Variants in RERG observed in about 807,000 individuals in gnomAD.
RERG encodes ras-related and estrogen-regulated growth inhibitor.
RERG carries 25 observed loss-of-function variants against 23.2 expected under a neutral mutation model. The ratio of observed to expected loss-of-function variants is 1.08; its 90% CI spans 0.79 to 1.50. The LOEUF (loss-of-function observed/expected upper bound fraction) is 1.50, where lower values mean the gene tolerates loss of function less well. Among genes scored for constraint, RERG ranks in the 40% most tolerant of loss-of-function variants. The pLI, the probability that RERG is intolerant of heterozygous loss-of-function variation, is 0.00. For missense variants in RERG, 253 were observed against 250.1 expected, an observed-to-expected ratio of 1.01 and a Z score of -0.08; for synonymous variants, 81 against 89.1, an observed-to-expected ratio of 0.91 and a Z score of 0.51.
intron 2 of RERG, among the ~76,000 whole-genome samples, chr12:15,212,938 CA>C (rs1312222876): frequency 6.6e-6 from 1 of 152,028 alleles, no homozygotes; most frequent in African/African-American, 2.4e-5. Context: ...AGAAAAAGAA[CA>C]AAAAATAGGA....
rs1352413875 is a variant in RERG, at chr12:15,107,973, T to A, written c.*1137A>T. 1 of 152,600 alleles carries A rather than the reference T, an allele frequency of 6.6e-6. No homozygotes were observed. Among genetic ancestry groups the A allele is most frequent in the African/African-American group, 2.4e-5 (1 of 41,448 alleles). 9.5% of individuals were successfully genotyped at this position (152,600 alleles called of 1,614,324 possible). On this transcript the variant is annotated 3_prime_UTR_variant, in exon 5 of 5. Coordinates refer to ENST00000256953, the MANE Select transcript of RERG (RefSeq NM_032918.3). The stretch of plus-strand genomic sequence containing the variant: ...TCTACTAAAATAAAGTACCCAAATC[T>A]TGATATATATAGGGGCATAATGGGG...
At chr12:15,215,309 G>A (rs778806851) in intron 2 of RERG, among the ~76,000 whole-genome samples, 2 of 152,150 alleles carry the variant, frequency 1.3e-5, no homozygotes, top group Non-Finnish European at 1.5e-5. Flanking sequence ...GAGTAAGGAC[G>A]CAAGAGGATG....
Position 15,221,297 on chromosome 12 carries a change from G to C in RERG, c.-217C>G, listed in dbSNP as rs771142770. 1.2e-4 allele frequency: 18 copies of C among 152,282 alleles called. No individual in the cohort carries two copies. The highest frequency in any genetic ancestry group is 2.2e-4 in the Non-Finnish European group (15 of 68,068). The allele number at this position is 152,282 out of a possible 1,614,324, so 9.4% of individuals were successfully genotyped here. ...CCCACACTGCGCAGCCCAGGCTTCA[G>C]GTTGCGTTTGCGAGTTGCTGGGCTG... On this transcript the variant is annotated 5_prime_UTR_variant, in exon 1 of 5. Coordinates refer to ENST00000256953, the MANE Select transcript of RERG (RefSeq NM_032918.3).
intron 2 of RERG, among the ~76,000 whole-genome samples, chr12:15,210,538 AG>A (rs1193919989): frequency 6.6e-6 from 1 of 152,188 alleles, no homozygotes; most frequent in Non-Finnish European, 1.5e-5. Flanking sequence ...CAAAGTACTT[AG>A]CCACCTACCA....
chr12:15,167,047 C>A (rs577823365), intron 2 of RERG, among the ~76,000 whole-genome samples: 3 of 152,062 alleles, frequency 2.0e-5, no homozygotes, highest in Non-Finnish European at 4.4e-5. Context: ...CAAGGCAGGT[C>A]TTATTAAGCC....
At position 15,214,035 on chromosome 12, in the gene RERG, T is replaced by C. The variant is rs1032478575; in HGVS notation, c.61+3394A>G. On this transcript the variant is annotated intron_variant, in intron 2 of 4. Transcript: ENST00000256953. ...GTGTGTGTGTGTGTGTGTGTGTGTGTGTGCGCGTGTGTGGAGTTTTTACCT... is the reference window on the plus strand; with the variant it reads ...GTGTGTGTGTGTGTGTGTGTGTGTGCGTGCGCGTGTGTGGAGTTTTTACCT... Among the ~76,000 whole-genome samples, 19 of 91,810 alleles carry C rather than the reference T, an allele frequency of 2.1e-4. 1 individual carries two copies. Among genetic ancestry groups the C allele is most frequent in the African/African-American group, 1.0e-3 (18 of 17,582 alleles). 60.2% of individuals were successfully genotyped at this position (91,810 alleles called of 152,430 possible).
In RERG at chr12:15,221,372, G is replaced by A. The variant is rs1865510910; in HGVS notation, c.-292C>T. 6.6e-6 allele frequency: 1 copy of A among 152,308 alleles called. No individual in the cohort carries two copies. The highest frequency in any genetic ancestry group is 1.5e-5 in the Non-Finnish European group (1 of 68,100). The allele number at this position is 152,308 out of a possible 1,614,324, so 9.4% of individuals were successfully genotyped here. A position where few individuals can be genotyped will look rare whatever the true frequency, so the allele number is the denominator to read the frequency against. On this transcript the variant is annotated 5_prime_UTR_variant, in exon 1 of 5. Coordinates refer to ENST00000256953, the MANE Select transcript of RERG (RefSeq NM_032918.3). Reference sequence around the variant, plus strand: ...GAAGCAAGTGCCAGTGGCCCGGCGGGGGTCTCCTCACTCGCGCTCGCTCCG... The same window carrying A: ...GAAGCAAGTGCCAGTGGCCCGGCGGAGGTCTCCTCACTCGCGCTCGCTCCG...
At chr12:15,140,800 T>A (rs932141413) in intron 2 of RERG, among the ~76,000 whole-genome samples, 17 of 152,144 alleles carry the variant, frequency 1.1e-4, no homozygotes, top group Non-Finnish European at 2.9e-5. Flanking sequence ...AAGAAAGATC[T>A]TCCCCCCATG....
chr12:15,137,330 C>T (rs1448526819), intron 2 of RERG, among the ~76,000 whole-genome samples: 7 of 151,634 alleles, frequency 4.6e-5, no homozygotes, highest in African/African-American at 1.7e-4. Context: ...ATGCATCTGA[C>T]AGTCTCTTTT....
At chr12:15,135,965 CAG>C (rs1435871634) in intron 2 of RERG, among the ~76,000 whole-genome samples, 2 of 152,050 alleles carry the variant, frequency 1.3e-5, no homozygotes, top group Non-Finnish European at 2.9e-5. Flanking sequence ...GAAGAAATTA[CAG>C]AGAGTTCTAA....
At chr12:15,119,230 T>C (rs1366576172) in intron 3 of RERG, among the ~76,000 whole-genome samples, 1 of 152,232 alleles carries the variant, frequency 6.6e-6, no homozygotes, top group Non-Finnish European at 1.5e-5. Context: ...AGTTTCATTA[T>C]TCTTACTGAA....
At position 15,121,165 on chromosome 12, in the gene RERG, G is replaced by A. The variant is rs769303617; in HGVS notation, c.62-46C>T. 1.1e-5 allele frequency: 16 copies of A among 1,447,256 alleles called. 1 individual carries two copies. In the South Asian group the frequency reaches 1.5e-4, roughly 14 times the overall value. 89.7% of individuals were successfully genotyped at this position (1,447,256 alleles called of 1,614,324 possible). ...ATTTCAAAAAATAATTTGTTAATTT[G>A]CTTAGCACACCTATCTTTTTAAGGA... On this transcript the variant is annotated intron_variant, in intron 2 of 4. Transcript: ENST00000256953.
Position 15,111,383 on chromosome 12 carries a change from A to G in RERG, c.153T>C (p.Asp51=). ...STYRHQATID[D]EVVSMEILDT... ...CTAGTATCTCCATGGAAACAACTTC[A>G]TCATCGATGGTTGCTTGGTGTCGGT... The change falls in exon 4 of 5, where the codon GAT becomes GAC. Residue 51 remains aspartate, a synonymous_variant. Transcript: ENST00000256953. 6.2e-7 allele frequency: 1 copy of G among 1,613,160 alleles called. No homozygotes were observed. The highest frequency in any genetic ancestry group is 8.5e-7 in the Non-Finnish European group (1 of 1,179,292).
At chr12:15,216,600 C>G (rs1028880849) in intron 2 of RERG, among the ~76,000 whole-genome samples, 2 of 152,190 alleles carry the variant, frequency 1.3e-5, no homozygotes, top group Non-Finnish European at 2.9e-5. Flanking sequence ...TCCTGAGAAC[C>G]AAAAGCTCTG....
chr12:15,156,707 ATTGCT>A (rs1296720955), intron 2 of RERG, among the ~76,000 whole-genome samples: 1 of 152,172 alleles, frequency 6.6e-6, no homozygotes, highest in Non-Finnish European at 1.5e-5. Context: ...TGGTATTATC[ATTGCT>A]TTGCGAGTCC....
chr12:15,135,842 C>T (rs1224642334), intron 2 of RERG, among the ~76,000 whole-genome samples: 1 of 151,888 alleles, frequency 6.6e-6, no homozygotes, highest in Non-Finnish European at 1.5e-5. Context: ...GTTCATGTGC[C>T]TTATTGGTCT....
At chr12:15,111,461 G>T in intron 3 of RERG, 44 bp from the exon 4 acceptor site, 1 of 1,461,236 alleles carries the variant, frequency 6.8e-7, no homozygotes, top group Non-Finnish European at 9.5e-7. Context: ...ATAAATAAAT[G>T]CAAGATTTAA....
chr12:15,172,167 A>G (rs1295183479), intron 2 of RERG, among the ~76,000 whole-genome samples: 6 of 152,124 alleles, frequency 3.9e-5, no homozygotes, highest in Non-Finnish European at 8.8e-5. Flanking sequence ...GCCCTAGGTA[A>G]CTTAATCTTT....
intron 1 of RERG, 57 bp from the exon 2 acceptor site, chr12:15,217,660 T>A: frequency 1.7e-6 from 1 of 583,238 alleles, no homozygotes; most frequent in Admixed American, 3.1e-5. Flanking sequence ...TTAATATTTA[T>A]TGAGCATCTA....
Sources: allele counts gnomAD v4.1 joint callset (sites outside exome capture counted in the v4.1 genomes callset), GRCh38; gene constraint gnomAD v4.1.1; transcripts MANE v1.5; gene names NCBI Gene and HGNC (gene_info 2026-07-23, HGNC 2026-07-21).